The following FNBP1 variants were observed in gnomAD, a reference collection of about 807,000 sequenced individuals.
FNBP1 encodes the protein formin binding protein 1, also known as formin-binding protein 1.
A neutral mutation model predicts 90.6 loss-of-function variants in FNBP1; 26 were observed. That is an observed-to-expected ratio of 0.29 (90% CI 0.21 to 0.40). The LOEUF is 0.40. Among genes scored for constraint, FNBP1 ranks in the 10% least tolerant of loss-of-function variants. FNBP1 has a pLI of 1.00. For missense variants in FNBP1, 635 were observed against 768.0 expected (o/e 0.83, Z 2.05); for synonymous variants, 260 against 265.2 (o/e 0.98, Z 0.19).
At position 130,042,940 on chromosome 9, in the gene FNBP1, C is replaced by A. The variant is rs928064304; in HGVS notation, c.24+12G>T. ...GCCCCGCATCTGCCCGCGGGCCCAG[C>A]CCCTCACTCACCCAGAGCTCGGTGC... On this transcript the variant is annotated intron_variant, in intron 1 of 16. Coordinates refer to ENST00000446176, the MANE Select transcript of FNBP1 (RefSeq NM_015033.3). This position sits in a 1 kb window ranked among gnomAD's most constrained non-coding sequence, Gnocchi z 5.5. 3.3e-6 allele frequency: 4 copies of A among 1,229,916 alleles called. No individual in the cohort carries two copies. In the African/African-American group the frequency reaches 6.3e-5, roughly 19 times the overall value. The allele number at this position is 1,229,916 out of a possible 1,614,324, so 76.2% of individuals were successfully genotyped here.
At chr9:129,913,079 T>C (rs987426470) in intron 11 of FNBP1, among the ~76,000 whole-genome samples, 1 of 151,484 alleles carries the variant, frequency 6.6e-6, no homozygotes, top group African/African-American at 2.4e-5. Context: ...ATGATGGCAG[T>C]TGCCTGTAAT....
chr9:129,959,837 T>A (rs779383449), intron 4 of FNBP1, among the ~76,000 whole-genome samples: 1 of 152,098 alleles, frequency 6.6e-6, no homozygotes, highest in Non-Finnish European at 1.5e-5. Flanking sequence ...TCCATCTTCC[T>A]CAGCCCTAGG....
At chr9:129,892,409 ACACACAC>A (rs2035205519) in intron 16 of FNBP1, among the ~76,000 whole-genome samples, 2 of 146,080 alleles carry the variant, frequency 1.4e-5, no homozygotes, top group Non-Finnish European at 1.5e-5. Flanking sequence ...ACACACACAC[ACACACAC>A]AAAAAGGTTG....
intron 6 of FNBP1, among the ~76,000 whole-genome samples, chr9:129,940,128 G>A (rs2044106701): frequency 6.6e-6 from 1 of 152,140 alleles, no homozygotes; most frequent in South Asian, 2.1e-4. Flanking sequence ...TTGAGCCCGG[G>A]AGTTCGAGGC....
intron 6 of FNBP1, among the ~76,000 whole-genome samples, chr9:129,943,384 CTTTTTT>C (rs11415197): frequency 1.6e-4 from 16 of 102,662 alleles, no homozygotes; most frequent in Admixed American, 6.4e-4. Context: ...TCATTAATTG[CTTTTTT>C]TTTTTTTTTT....
chr9:129,948,521 C>T (rs114834672), intron 6 of FNBP1, among the ~76,000 whole-genome samples: 5,096 of 150,916 alleles, frequency 0.034, 151 homozygotes, highest in African/African-American at 0.077. Flanking sequence ...TGAGCCACCA[C>T]ATTCAGCTCA....
intron 4 of FNBP1, 195 bp downstream of exon 4, chr9:129,978,270 C>T (rs975941897): frequency 1.7e-4 from 83 of 487,130 alleles, no homozygotes; most frequent in Non-Finnish European, 2.6e-4. Flanking sequence ...CCGCCTGCCT[C>T]GGCCTCCCAA....
At chr9:129,944,432 T>A (rs1432107684) in intron 6 of FNBP1, among the ~76,000 whole-genome samples, 1 of 151,270 alleles carries the variant, frequency 6.6e-6, no homozygotes. Flanking sequence ...TCCCAGCTAC[T>A]TGGGACGCTG....
chr9:130,001,510 C>T (rs992042457), intron 1 of FNBP1, among the ~76,000 whole-genome samples: 12 of 152,092 alleles, frequency 7.9e-5, no homozygotes, highest in Non-Finnish European at 1.3e-4. Context: ...TTGTAAACTC[C>T]ATGAGAAGGT....
intron 6 of FNBP1, among the ~76,000 whole-genome samples, chr9:129,950,168 C>T (rs1384643969): frequency 6.6e-6 from 1 of 152,168 alleles, no homozygotes; most frequent in Non-Finnish European, 1.5e-5. Context: ...TCACAGGCAA[C>T]AAAGTAAAAA....
At chr9:129,950,669 C>A (rs2046017660) in intron 6 of FNBP1, among the ~76,000 whole-genome samples, 1 of 152,170 alleles carries the variant, frequency 6.6e-6, no homozygotes. Context: ...CCAGGTAATG[C>A]CCGCTTCGGG....
chr9:129,909,139 A>C, intron 11 of FNBP1, 140 bp from the exon 12 acceptor site: 3 of 692,120 alleles, frequency 4.3e-6, no homozygotes, highest in Admixed American at 2.2e-5. Flanking sequence ...TTCCCACTAC[A>C]CCCAGCCGAG....
chr9:129,969,588 A>G (rs1265506779), intron 4 of FNBP1, among the ~76,000 whole-genome samples: 5 of 152,088 alleles, frequency 3.3e-5, no homozygotes, highest in Admixed American at 3.3e-4. Context: ...ATCTCTTCCA[A>G]TAACTTTGAA....
At chr9:129,910,431 G>A (rs7859104) in intron 11 of FNBP1, among the ~76,000 whole-genome samples, 114,272 of 147,448 alleles carry the variant, frequency 0.77, 44,687 homozygotes, top group East Asian at 0.88. Context: ...GTAGTGAGCC[G>A]AGATCGTGCC....
intron 4 of FNBP1, among the ~76,000 whole-genome samples, chr9:129,963,032 C>T (rs2048056813): frequency 6.6e-6 from 1 of 152,108 alleles, no homozygotes. Flanking sequence ...GCCGGAGCAC[C>T]GAGTTACGCA....
rs1377191456 is a variant in FNBP1, at chr9:129,889,704, C to T, written c.*835G>A. On this transcript the variant is annotated 3_prime_UTR_variant, in exon 17 of 17. Transcript: ENST00000446176. Reference sequence around the variant, plus strand: ...GAGGGGAGGGCCTCGCTCACAAGCGCATGATCTACAGTTCTCAGGGACAGG... The same window carrying T: ...GAGGGGAGGGCCTCGCTCACAAGCGTATGATCTACAGTTCTCAGGGACAGG... 2 of 232,010 alleles carry T rather than the reference C, an allele frequency of 8.6e-6. No individual in the cohort carries two copies. Among genetic ancestry groups the T allele is most frequent in the African/African-American group, 4.4e-5 (2 of 45,246 alleles). The allele number at this position is 232,010 out of a possible 1,614,324, so 14.4% of individuals were successfully genotyped here.
At chr9:129,965,767 G>A (rs569917561) in intron 4 of FNBP1, among the ~76,000 whole-genome samples, 267 of 122,168 alleles carry the variant, frequency 2.2e-3, no homozygotes, top group African/African-American at 7.7e-3. Context: ...AGTGAAGGAA[G>A]GGAGGGAAGG....
At chr9:130,014,299 T>C (rs1195357987) in intron 1 of FNBP1, among the ~76,000 whole-genome samples, 4 of 151,356 alleles carry the variant, frequency 2.6e-5, no homozygotes, top group African/African-American at 7.3e-5. Flanking sequence ...CCGCCCAGGC[T>C]GGAGTGCAAT....
At chr9:130,035,315 T>C (rs1329544478) in intron 1 of FNBP1, among the ~76,000 whole-genome samples, 31 of 152,108 alleles carry the variant, frequency 2.0e-4, no homozygotes, top group Admixed American at 2.0e-3. Context: ...TGGCCAATGA[T>C]AAAGGAAGGC....
Sources: gnomAD v4.1 joint callset for allele counts (sites outside exome capture counted in the v4.1 genomes callset) on GRCh38, gnomAD v4.1.1 for gene constraint, Gnocchi (gnomAD v3.1) non-coding constraint, MANE v1.5 for transcripts, NCBI Gene and HGNC (gene_info 2026-07-23, HGNC 2026-07-21) for gene names.